The following KAT6A variants were observed in gnomAD, a reference collection of about 807,000 sequenced individuals.
KAT6A encodes histone acetyltransferase KAT6A.
KAT6A carries 9 observed loss-of-function variants against 198.4 expected under a neutral mutation model. The observed-to-expected ratio is 0.05, with a 90% CI of 0.03 to 0.08. KAT6A has a LOEUF of 0.08. Among genes scored for constraint, KAT6A ranks in the 10% least tolerant of loss-of-function variants. KAT6A has a pLI of 1.00. For synonymous variants in KAT6A, 890 were observed against 883.0 expected (o/e 1.01, Z -0.14); for missense variants, 2,077 against 2,509.9 (o/e 0.83, Z 3.69).
intron 2 of KAT6A, among the ~76,000 whole-genome samples, chr8:42,010,549 T>C (rs1825974918): frequency 6.6e-6 from 1 of 152,108 alleles, no homozygotes; most frequent in African/African-American, 2.4e-5. Flanking sequence ...CACACACACG[T>C]AGGCAAGTCT....
At chr8:42,035,945 T>C (rs569823241) in intron 2 of KAT6A, among the ~76,000 whole-genome samples, 33 of 152,086 alleles carry the variant, frequency 2.2e-4, no homozygotes, top group Non-Finnish European at 2.5e-4. Flanking sequence ...CTATTTTTGA[T>C]GGCACACGGC....
rs1055232621 is a variant in KAT6A, at chr8:41,935,355, G to A, written c.3353-488C>T. On this transcript the variant is annotated intron_variant, in intron 16 of 16. Transcript: ENST00000265713. ...TACTTTCCACAAATCATCACTTCAG[G>A]TAGTATGATGAGCCAATTACTCTAG... Among the ~76,000 whole-genome samples, 7 of 151,750 alleles carry A rather than the reference G, an allele frequency of 4.6e-5. No individual in the cohort carries two copies. In the East Asian group the frequency reaches 7.7e-4, roughly 17 times the overall value.
intron 2 of KAT6A, among the ~76,000 whole-genome samples, chr8:41,993,360 A>G (rs1329538625): frequency 6.6e-6 from 1 of 152,224 alleles, no homozygotes; most frequent in Non-Finnish European, 1.5e-5. Context: ...ACAAGTTTAT[A>G]CAATATTGAT....
chr8:42,006,079 A>G (rs1162370190), intron 2 of KAT6A, among the ~76,000 whole-genome samples: 1 of 152,240 alleles, frequency 6.6e-6, no homozygotes, highest in Non-Finnish European at 1.5e-5. Context: ...GTATACCATC[A>G]AATAACAATT....
chr8:41,950,341 G>A (rs1421371550), intron 9 of KAT6A, among the ~76,000 whole-genome samples: 1 of 152,160 alleles, frequency 6.6e-6, no homozygotes, highest in Non-Finnish European at 1.5e-5. Context: ...TATTAACTAA[G>A]CCTTACAGGT....
intron 2 of KAT6A, among the ~76,000 whole-genome samples, chr8:42,038,179 ATTAGACTTAC>A (rs1252549879): frequency 6.6e-6 from 1 of 152,224 alleles, no homozygotes; most frequent in Non-Finnish European, 1.5e-5. Flanking sequence ...CCTACTGAAA[ATTAGACTTAC>A]CTTTAAATGG....
chr8:41,985,927 G>GT (rs901306608), intron 3 of KAT6A, among the ~76,000 whole-genome samples: 91 of 149,540 alleles, frequency 6.1e-4, no homozygotes, highest in Non-Finnish European at 7.5e-4. Flanking sequence ...GGTCTTGTAA[G>GT]TTTTTTTTTT....
chr8:42,001,172 G>C (rs1372008864), intron 2 of KAT6A, among the ~76,000 whole-genome samples: 1 of 152,076 alleles, frequency 6.6e-6, no homozygotes, highest in Non-Finnish European at 1.5e-5. Context: ...CTTCCTCAAA[G>C]AACAGCATTA....
intron 2 of KAT6A, among the ~76,000 whole-genome samples, chr8:42,005,628 G>C (rs909941101): frequency 6.6e-6 from 1 of 152,186 alleles, no homozygotes; most frequent in Non-Finnish European, 1.5e-5. Context: ...GATCCAGAGA[G>C]GGAGTGAGGT....
chr8:41,930,708 G>GTATA lies in KAT6A; in HGVS notation c.*1496_*1497insTATA, dbSNP rs1414816884. 914 of 78,832 alleles carry GTATA rather than the reference G, an allele frequency of 0.012. 14 individuals carry two copies. Among genetic ancestry groups the GTATA allele is most frequent in the African/African-American group, 0.015 (240 of 16,216 alleles). The allele number at this position is 78,832 out of a possible 1,614,324, so 4.9% of individuals were successfully genotyped here. A position where few individuals can be genotyped will look rare whatever the true frequency, so the allele number is the denominator to read the frequency against. On this transcript the variant is annotated 3_prime_UTR_variant, in exon 17 of 17. Transcript: ENST00000265713. ...TGTGTGTGTGTGTGTGTGTGTGTGT[G>GTATA]TGTATATATATATATATATATTTTT...
intron 2 of KAT6A, among the ~76,000 whole-genome samples, chr8:41,990,314 A>AT (rs1824872010): frequency 1.3e-5 from 2 of 152,218 alleles, no homozygotes; most frequent in Admixed American, 1.3e-4. Context: ...AAAGAAGATA[A>AT]AAGATATTAA....
intron 2 of KAT6A, among the ~76,000 whole-genome samples, chr8:42,005,667 G>GT (rs1825703298): frequency 2.0e-5 from 3 of 152,066 alleles, no homozygotes; most frequent in Admixed American, 1.3e-4. Flanking sequence ...GAGAAAAACT[G>GT]TTTTACAGGC....
chr8:41,958,365 AATAAGCCTCAG>A (rs1281318409), intron 8 of KAT6A: 1 of 152,218 alleles, frequency 6.6e-6, no homozygotes, highest in Non-Finnish European at 1.5e-5. Context: ...CAGATGAAAA[AATAAGCCTCAG>A]ATAAGCCTCA....
chr8:42,033,875 T>C (rs1315338001), intron 2 of KAT6A, among the ~76,000 whole-genome samples: 3 of 152,040 alleles, frequency 2.0e-5, no homozygotes, highest in Non-Finnish European at 4.4e-5. Context: ...TACTGCCAGA[T>C]AGATGGAAAT....
intron 2 of KAT6A, among the ~76,000 whole-genome samples, chr8:42,002,709 T>C (rs1026550112): frequency 6.6e-6 from 1 of 152,250 alleles, no homozygotes; most frequent in Non-Finnish European, 1.5e-5. Flanking sequence ...ATCATCTTTC[T>C]TAAGGCTATA....
At position 41,930,070 on chromosome 8, in the gene KAT6A, A is replaced by T. The variant is rs1321314012; in HGVS notation, c.*2135T>A. The T allele has an allele frequency of 4.3e-6, 1 of 230,372 alleles. No individual in the cohort carries two copies. The highest frequency in any genetic ancestry group is 5.7e-5 in the Admixed American group (1 of 17,690). 14.3% of individuals were successfully genotyped at this position (230,372 alleles called of 1,614,324 possible). On this transcript the variant is annotated 3_prime_UTR_variant, in exon 17 of 17. Transcript: ENST00000265713. ...TAGAAAAGAACTTTTTTTTTCTACAATAGTTCTACAGTCACAAAGAGGCTT... is the reference window on the plus strand; with the variant it reads ...TAGAAAAGAACTTTTTTTTTCTACATTAGTTCTACAGTCACAAAGAGGCTT...
At chr8:41,938,773 C>A (rs532855890) in intron 15 of KAT6A, among the ~76,000 whole-genome samples, 18 of 152,096 alleles carry the variant, frequency 1.2e-4, no homozygotes, top group African/African-American at 4.3e-4. Flanking sequence ...TAGCGAAACC[C>A]TGTCTCTATC....
chr8:42,018,216 T>C (rs1826362135), intron 2 of KAT6A, among the ~76,000 whole-genome samples: 1 of 152,134 alleles, frequency 6.6e-6, no homozygotes, highest in African/African-American at 2.4e-5. Flanking sequence ...CACAGAAAAT[T>C]GTTCCTAGTG....
At chr8:42,002,276 T>C (rs1825533200) in intron 2 of KAT6A, among the ~76,000 whole-genome samples, 1 of 152,226 alleles carries the variant, frequency 6.6e-6, no homozygotes, top group Non-Finnish European at 1.5e-5. Context: ...GAGCCTGCAT[T>C]CTTCAACCTG....
Sources: gnomAD v4.1 joint callset for allele counts (sites outside exome capture counted in the v4.1 genomes callset) on GRCh38, gnomAD v4.1.1 for gene constraint, MANE v1.5 for transcripts, NCBI Gene and HGNC (gene_info 2026-07-23, HGNC 2026-07-21) for gene names.